The following MARCHF8 variants were observed in gnomAD, a reference collection of about 807,000 sequenced individuals.
The protein encoded by MARCHF8 is membrane associated ring-CH-type finger 8, also known as E3 ubiquitin-protein ligase MARCHF8.
Under a neutral mutation model 51.6 loss-of-function variants are expected in MARCHF8, and 40 were observed. The observed-to-expected ratio is 0.77, with a 90% confidence interval of 0.60 to 1.01. The LOEUF (loss-of-function observed/expected upper bound fraction) is 1.01. Ranked by LOEUF, MARCHF8 falls within the 50% of genes least tolerant of loss-of-function variation. MARCHF8 has a pLI of 0.00. For synonymous variants in MARCHF8, 263 were observed against 280.3 expected (o/e 0.94, Z 0.62); for missense variants, 685 against 708.6 (o/e 0.97, Z 0.38).
chr10:45,486,897 C>T (rs1488242508), intron 3 of MARCHF8, among the ~76,000 whole-genome samples: 1 of 150,942 alleles, frequency 6.6e-6, no homozygotes, highest in African/African-American at 2.4e-5. Flanking sequence ...GCAACCTCCG[C>T]CTCCCAGGTT....
At chr10:45,539,855 C>G (rs532382384), upstream of MARCHF8, among the ~76,000 whole-genome samples, 134 of 152,288 alleles carry the variant, frequency 8.8e-4, 4 homozygotes, top group South Asian at 0.027. Flanking sequence ...TCAGCAAAGT[C>G]TCAGGATACA....
chr10:45,543,312 C>T (rs2044078112), intron 1 of MARCHF8, among the ~76,000 whole-genome samples: 1 of 152,168 alleles, frequency 6.6e-6, no homozygotes. Context: ...TTCTGTGCTC[C>T]CTTTTCCTGG....
intron 2 of MARCHF8, among the ~76,000 whole-genome samples, chr10:45,517,682 G>A (rs2043642043): frequency 1.3e-5 from 2 of 152,148 alleles, no homozygotes; most frequent in Admixed American, 6.5e-5. Context: ...CTCAGTCTCA[G>A]GTATTTCTTT....
chr10:45,460,512 A>G (rs1194629219), intron 6 of MARCHF8, among the ~76,000 whole-genome samples: 2 of 152,354 alleles, frequency 1.3e-5, no homozygotes, highest in East Asian at 3.9e-4. Context: ...TATGTGACTT[A>G]TCTTGCAATT....
At chr10:45,466,705 G>C (rs1307041952) in intron 3 of MARCHF8, among the ~76,000 whole-genome samples, 2 of 152,176 alleles carry the variant, frequency 1.3e-5, no homozygotes, top group African/African-American at 2.4e-5. Context: ...GAGGAGGTAA[G>C]GTCTTATCTG....
chr10:45,498,161 A>G (rs1007146348), intron 2 of MARCHF8, among the ~76,000 whole-genome samples: 1 of 152,206 alleles, frequency 6.6e-6, no homozygotes, highest in Non-Finnish European at 1.5e-5. Flanking sequence ...ACACACCATC[A>G]TATAAAGTAT....
At chr10:45,575,871 C>T (rs2044483956) in intron 1 of MARCHF8, among the ~76,000 whole-genome samples, 1 of 152,090 alleles carries the variant, frequency 6.6e-6, no homozygotes, top group Non-Finnish European at 1.5e-5. Flanking sequence ...CATCCTGGCT[C>T]GAAAGCTCCC....
At chr10:45,496,530 G>A (rs12764652) in intron 2 of MARCHF8, among the ~76,000 whole-genome samples, 9,375 of 152,100 alleles carry the variant, frequency 0.062, 329 homozygotes, top group Non-Finnish European at 0.067. Context: ...AACAAATGAA[G>A]ATAATAAGGA....
intron 1 of MARCHF8, chr10:45,593,733 T>C (rs373860041): frequency 1.3e-5 from 2 of 152,360 alleles, no homozygotes; most frequent in Non-Finnish European, 1.5e-5. Context: ...ATCAGAAATT[T>C]TGGGGCCAAA....
rs535255628 is a variant in MARCHF8, at chr10:45,525,457, A to T, written c.102+7653T>A. ...GGAGGACAGGGCAGAAAATTGAAAA[A>T]TGTATTTTTTGGACAATCTTGCAAT... On this transcript the variant is annotated intron_variant, in intron 2 of 7. Transcript: ENST00000453424. Among the ~76,000 whole-genome samples the T allele has an allele frequency of 2.0e-5, 3 of 152,306 alleles. No individual in the cohort carries two copies. In the South Asian group the frequency reaches 6.2e-4, roughly 32 times the overall value.
At chr10:45,471,565 T>C (rs1243281124) in intron 3 of MARCHF8, among the ~76,000 whole-genome samples, 2 of 152,198 alleles carry the variant, frequency 1.3e-5, no homozygotes, top group African/African-American at 4.8e-5. Context: ...CCTTTAAATA[T>C]TGAACTTTTC....
intron 2 of MARCHF8, among the ~76,000 whole-genome samples, chr10:45,532,749 C>T (rs909698302): frequency 6.6e-6 from 1 of 152,162 alleles, no homozygotes; most frequent in Non-Finnish European, 1.5e-5. Context: ...CAGACTAAGA[C>T]ACATATTAAG....
rs540586731 is a variant in MARCHF8 at position 45,554,687 on chromosome 10, A to G, written c.-78-21398T>C. 7.2e-5 allele frequency among the ~76,000 whole-genome samples: 11 copies of G among 152,328 alleles called. No homozygotes were observed. The South Asian group carries it at 2.1e-3, about 29-fold the overall frequency. ...GTAATCTTAGCTCTTTGGGAGACTGAGGCAGGGGGATCACCGGAGGTCGGG... is the reference window on the plus strand; with the variant it reads ...GTAATCTTAGCTCTTTGGGAGACTGGGGCAGGGGGATCACCGGAGGTCGGG... On this transcript the variant is annotated intron_variant, in intron 1 of 6. Transcript: ENST00000319836.
chr10:45,573,668 G>A (rs542720451), intron 1 of MARCHF8, among the ~76,000 whole-genome samples: 34 of 152,244 alleles, frequency 2.2e-4, no homozygotes, highest in African/African-American at 7.9e-4. Flanking sequence ...TCTCAGCTTC[G>A]TGGCTAAAGA....
At chr10:45,478,224 A>G (rs2042821614) in intron 3 of MARCHF8, among the ~76,000 whole-genome samples, 1 of 152,210 alleles carries the variant, frequency 6.6e-6, no homozygotes, top group African/African-American at 2.4e-5. Context: ...TCAGACCACA[A>G]TGTTTAAAAC....
chr10:45,484,424 G>A (rs1387307676), intron 3 of MARCHF8, among the ~76,000 whole-genome samples: 1 of 152,128 alleles, frequency 6.6e-6, no homozygotes, highest in Non-Finnish European at 1.5e-5. Context: ...ATTTCATGGG[G>A]GCTGCATTCC....
At chr10:45,585,428 A>G (rs2044608064) in intron 1 of MARCHF8, among the ~76,000 whole-genome samples, 1 of 152,216 alleles carries the variant, frequency 6.6e-6, no homozygotes, top group Admixed American at 6.5e-5. Context: ...CCATACAAAA[A>G]TATGAATGAG....
chr10:45,464,662 T>C (rs565912062), intron 3 of MARCHF8, among the ~76,000 whole-genome samples: 1 of 152,166 alleles, frequency 6.6e-6, no homozygotes, highest in East Asian at 1.9e-4. Context: ...ATCATACAAA[T>C]GCCAAAGAAA....
chr10:45,497,769 C>A (rs1218830970), intron 2 of MARCHF8, among the ~76,000 whole-genome samples: 1 of 152,058 alleles, frequency 6.6e-6, no homozygotes, highest in African/African-American at 2.4e-5. Context: ...ACCACACTTA[C>A]ACAATGCAAC....
Sources: allele counts gnomAD v4.1 joint callset (sites outside exome capture counted in the v4.1 genomes callset), GRCh38; gene constraint gnomAD v4.1.1; transcripts MANE v1.5; gene names NCBI Gene and HGNC (gene_info 2026-07-23, HGNC 2026-07-21).